The following IL2RA variants were observed in gnomAD, a reference collection of about 807,000 sequenced individuals.
IL2RA encodes interleukin 2 receptor subunit alpha, also known as interleukin-2 receptor subunit alpha.
Under a neutral mutation model 37.8 loss-of-function variants are expected in IL2RA, and 24 were observed. The ratio of observed to expected loss-of-function variants is 0.63; its 90% CI spans 0.46 to 0.89. IL2RA has a LOEUF of 0.89. IL2RA is among the 40% of genes least tolerant of loss of function. The pLI, the probability that IL2RA is intolerant of heterozygous loss-of-function variation, is 0.00. For missense variants in IL2RA, 319 were observed against 348.6 expected, an observed-to-expected ratio of 0.92 and a Z score of 0.68; for synonymous variants, 125 against 114.6, an observed-to-expected ratio of 1.09 and a Z score of -0.58.
In IL2RA at chr10:6,035,949, A is replaced by G. The variant is rs1589301722; in HGVS notation, c.65-9924T>C. The G allele has an allele frequency of 6.6e-6, 1 of 152,214 alleles. No homozygotes were observed. Among genetic ancestry groups the G allele is most frequent in the African/African-American group, 2.4e-5 (1 of 41,432 alleles). 9.4% of individuals were successfully genotyped at this position (152,214 alleles called of 1,614,324 possible). A position where few individuals can be genotyped will look rare whatever the true frequency, so the allele number is the denominator to read the frequency against. ...GATTTGTTGCCTCTAGGAGTTCTGTATGCAGCTGAAGGGTAACATCCCTTG... is the reference window on the plus strand; with the variant it reads ...GATTTGTTGCCTCTAGGAGTTCTGTGTGCAGCTGAAGGGTAACATCCCTTG... On this transcript the variant is annotated intron_variant, in intron 1 of 7. Coordinates refer to ENST00000379959, the MANE Select transcript of IL2RA (RefSeq NM_000417.3). The surrounding 1 kb of genome is among the most constrained non-coding windows in gnomAD (Gnocchi z 5.4).
chr10:6,037,135 C>A (rs1333850001), intron 1 of IL2RA, among the ~76,000 whole-genome samples: 4 of 152,144 alleles, frequency 2.6e-5, no homozygotes, highest in Non-Finnish European at 5.9e-5. Flanking sequence ...GCATCCACAG[C>A]GGTTTGTGCC....
rs553898245 is a variant in IL2RA at position 6,044,511 on chromosome 10, C to T, written c.64+17577G>A. Among the ~76,000 whole-genome samples, 134 of 152,260 alleles carry T rather than the reference C, an allele frequency of 8.8e-4. 2 individuals are homozygous for T. The highest frequency in any genetic ancestry group is 3.4e-3 in the Middle Eastern group (1 of 294). ...TCACTGCTATGGAAAGGAGCAGGAA[C>T]GCCTGGGTGTTGCCATGGCAATGGT... On this transcript the variant is annotated intron_variant, in intron 1 of 7. Coordinates refer to ENST00000379959, the MANE Select transcript of IL2RA (RefSeq NM_000417.3). The surrounding 1 kb of genome is among the most constrained non-coding windows in gnomAD (Gnocchi z 4.5).
chr10:6,015,828 AC>A lies in IL2RA; in HGVS notation c.794+2224del, dbSNP rs1160606500. On this transcript the variant is annotated intron_variant, in intron 7 of 7. Coordinates refer to ENST00000379959, the MANE Select transcript of IL2RA (RefSeq NM_000417.3). The surrounding 1 kb of genome is among the most constrained non-coding windows in gnomAD (Gnocchi z 4.9). ...TTAGATACATCTGAGGGGCTTTAAA[AC>A]GTACGACTATCCCAGACATAAAAGG... Among the ~76,000 whole-genome samples, 3 of 152,184 alleles carry A rather than the reference AC, an allele frequency of 2.0e-5. No homozygotes were observed. The highest frequency in any genetic ancestry group is 7.2e-5 in the African/African-American group (3 of 41,436).
chr10:6,041,848 C>G (rs1414122904), intron 1 of IL2RA, among the ~76,000 whole-genome samples: 1 of 152,040 alleles, frequency 6.6e-6, no homozygotes, highest in East Asian at 1.9e-4. Flanking sequence ...AGTATTTTCA[C>G]AGATAAATAT....
rs769164022 is a variant in IL2RA at position 6,019,870 on chromosome 10, CTGT to C, written c.652_654del (p.Thr218del). The C allele has an allele frequency of 2.5e-6, 4 of 1,614,058 alleles. No homozygotes were observed. Among genetic ancestry groups the C allele is most frequent in the Non-Finnish European group, 1.7e-6 (2 of 1,179,876 alleles). On this transcript the variant is annotated inframe_deletion and splice_region_variant, in exon 5 of 8. Transcript: ENST00000379959. ...GTCCAGCGTTTGTCTTCTCCCGCAC[CTGT>C]TGTTGTGACGAGGCAGGAAGTCTCA...
At position 6,048,185 on chromosome 10, in the gene IL2RA, G is replaced by A. The variant is rs567283635; in HGVS notation, c.64+13903C>T. Among the ~76,000 whole-genome samples the A allele has an allele frequency of 1.3e-5, 2 of 152,390 alleles. No individual in the cohort carries two copies. Among genetic ancestry groups the A allele is most frequent in the Admixed American group, 1.3e-4 (2 of 15,310 alleles). On this transcript the variant is annotated intron_variant, in intron 1 of 7. Transcript: ENST00000379959. This position sits in a 1 kb window ranked among gnomAD's most constrained non-coding sequence, Gnocchi z 5.3. ...GGAAGGCTGTCATGGGAGTCCTGAG[G>A]TGGGTGGTGATAAGTAAGCAAGAAG...
chr10:6,038,707 G>A (rs1278606951), intron 1 of IL2RA, among the ~76,000 whole-genome samples: 1 of 152,222 alleles, frequency 6.6e-6, no homozygotes, highest in Non-Finnish European at 1.5e-5. Context: ...AGGGAACTGT[G>A]TAGAAAAGGT....
chr10:6,037,675 G>A (rs1254328690), intron 1 of IL2RA, among the ~76,000 whole-genome samples: 1 of 152,168 alleles, frequency 6.6e-6, no homozygotes, highest in Non-Finnish European at 1.5e-5. Context: ...GATTCTGGGT[G>A]TCAGAGACCC....
At chr10:6,049,016 C>T (rs1469821047) in intron 1 of IL2RA, among the ~76,000 whole-genome samples, 1 of 152,194 alleles carries the variant, frequency 6.6e-6, no homozygotes, top group Non-Finnish European at 1.5e-5. Context: ...TCTAGAGAAA[C>T]AAAACCAATA....
intron 1 of IL2RA, among the ~76,000 whole-genome samples, chr10:6,040,650 A>G (rs1839757119): frequency 6.6e-6 from 1 of 152,118 alleles, no homozygotes; most frequent in Non-Finnish European, 1.5e-5. Flanking sequence ...CTTTTCCTAA[A>G]CCTACCTTTT....
At chr10:6,043,364 G>A (rs1256662987) in intron 1 of IL2RA, among the ~76,000 whole-genome samples, 1 of 152,160 alleles carries the variant, frequency 6.6e-6, no homozygotes, top group Non-Finnish European at 1.5e-5. Context: ...TACTGGAGGG[G>A]AAGAATGAGA....
At chr10:6,023,642 C>A (rs925293583) in intron 3 of IL2RA, among the ~76,000 whole-genome samples, 1 of 152,196 alleles carries the variant, frequency 6.6e-6, no homozygotes, top group Non-Finnish European at 1.5e-5. Flanking sequence ...AGCCCATTTT[C>A]TTGACACCAT....
intron 1 of IL2RA, among the ~76,000 whole-genome samples, chr10:6,043,264 A>G (rs41294719): frequency 0.065 from 9,956 of 152,254 alleles, 458 homozygotes; most frequent in African/African-American, 0.13. Context: ...GCAAATAGAA[A>G]CAGTATATTA....
chr10:6,061,641 C>A (rs1424823398), intron 1 of IL2RA, among the ~76,000 whole-genome samples: 1 of 152,070 alleles, frequency 6.6e-6, no homozygotes, highest in Non-Finnish European at 1.5e-5. Context: ...TAAATTCTCC[C>A]AGTGTTTGAT....
At position 6,026,559 on chromosome 10, in the gene IL2RA, A is replaced by G. The variant is rs758954972; in HGVS notation, c.65-534T>C. 4.6e-5 allele frequency among the ~76,000 whole-genome samples: 7 copies of G among 152,174 alleles called. 1 individual carries two copies. Among genetic ancestry groups the G allele is most frequent in the Non-Finnish European group, 8.8e-5 (6 of 68,044 alleles). ...CTGCCCACCTCTGAGTTCACCAAATACCTTCTTATATTATGAAGACCTTAG... is the reference window on the plus strand; with the variant it reads ...CTGCCCACCTCTGAGTTCACCAAATGCCTTCTTATATTATGAAGACCTTAG... On this transcript the variant is annotated intron_variant, in intron 1 of 7. Coordinates refer to ENST00000379959, the MANE Select transcript of IL2RA (RefSeq NM_000417.3).
At chr10:6,023,797 G>T (rs1018098022) in intron 3 of IL2RA, among the ~76,000 whole-genome samples, 2 of 152,318 alleles carry the variant, frequency 1.3e-5, no homozygotes, top group Middle Eastern at 3.4e-3. Flanking sequence ...TTACAACCTT[G>T]CCCTGGAAGA....
rs1589309165 is a variant in IL2RA, at chr10:6,048,719, C to T, written c.64+13369G>A. 6.6e-6 allele frequency among the ~76,000 whole-genome samples: 1 copy of T among 152,242 alleles called. No homozygotes were observed. Among genetic ancestry groups the T allele is most frequent in the East Asian group, 1.9e-4 (1 of 5,202 alleles). ...CTTCATTCTTCACATAAACCCAGTG[C>T]TTTCTCTTCTTCCTTCATTCTTCAC... On this transcript the variant is annotated intron_variant, in intron 1 of 7. Transcript: ENST00000379959. This position sits in a 1 kb window ranked among gnomAD's most constrained non-coding sequence, Gnocchi z 5.3.
chr10:6,012,611 T>C lies in IL2RA; in HGVS notation c.*261A>G, dbSNP rs1784639100. Reference sequence around the variant, plus strand: ...ATGAAAATAAGATGGAGAGTTCTAGTGGTTTTGCCCTTCCTCTTCAACGGC... The same window carrying C: ...ATGAAAATAAGATGGAGAGTTCTAGCGGTTTTGCCCTTCCTCTTCAACGGC... On this transcript the variant is annotated 3_prime_UTR_variant, in exon 8 of 8. Coordinates refer to ENST00000379959, the MANE Select transcript of IL2RA (RefSeq NM_000417.3). This position sits in a 1 kb window ranked among gnomAD's most constrained non-coding sequence, Gnocchi z 4.8. The C allele has an allele frequency of 1.7e-6, 1 of 583,738 alleles. No individual in the cohort carries two copies. Among genetic ancestry groups the C allele is most frequent in the Non-Finnish European group, 3.1e-6 (1 of 326,456 alleles). 36.2% of individuals were successfully genotyped at this position (583,738 alleles called of 1,614,324 possible). A position where few individuals can be genotyped will look rare whatever the true frequency, so the allele number is the denominator to read the frequency against.
At chr10:6,034,113 G>A (rs12722531) in intron 1 of IL2RA, among the ~76,000 whole-genome samples, 4,277 of 152,234 alleles carry the variant, frequency 0.028, 91 homozygotes, top group Middle Eastern at 0.085. Context: ...ATGAGAGTGC[G>A]TTTTTCTAGA....
Sources: allele counts gnomAD v4.1 joint callset (sites outside exome capture counted in the v4.1 genomes callset), GRCh38; gene constraint gnomAD v4.1.1; non-coding constraint Gnocchi (gnomAD v3.1); transcripts MANE v1.5; gene names NCBI Gene and HGNC (gene_info 2026-07-23, HGNC 2026-07-21).